Variants in PPTC7 observed in about 807,000 individuals in gnomAD.
PPTC7 encodes protein phosphatase PTC7 homolog.
In PPTC7, 6 loss-of-function variants were observed where a neutral mutation model predicts 30.8. That is an observed-to-expected ratio of 0.19 (90% CI 0.11 to 0.38). The LOEUF is 0.38. PPTC7 is among the 10% of genes least tolerant of loss of function. PPTC7 has a pLI of 1.00. For missense variants in PPTC7, 218 were observed against 404.8 expected, an observed-to-expected ratio of 0.54 and a Z score of 3.96; for synonymous variants, 163 against 168.1, an observed-to-expected ratio of 0.97 and a Z score of 0.23.
chr12:110,564,789 TTATA>T (rs762302882), intron 1 of PPTC7, among the ~76,000 whole-genome samples: 11 of 145,776 alleles, frequency 7.5e-5, no homozygotes, highest in African/African-American at 2.4e-4. Context: ...TACATACACG[TTATA>T]TATATATACA....
intron 3 of PPTC7, among the ~76,000 whole-genome samples, chr12:110,542,897 A>G (rs1194654194): frequency 6.6e-6 from 1 of 151,808 alleles, no homozygotes; most frequent in African/African-American, 2.4e-5. Context: ...CCGGGTGGGG[A>G]GAAAAGATCC....
chr12:110,565,379 C>T (rs1323128005), intron 1 of PPTC7, among the ~76,000 whole-genome samples: 1 of 152,058 alleles, frequency 6.6e-6, no homozygotes, highest in Non-Finnish European at 1.5e-5. Flanking sequence ...CCTCAGCCTC[C>T]TGAGTAGCTG....
intron 3 of PPTC7, among the ~76,000 whole-genome samples, chr12:110,544,046 A>C (rs969280596): frequency 6.6e-6 from 1 of 152,236 alleles, no homozygotes; most frequent in African/African-American, 2.4e-5. Context: ...TCCCCACTCC[A>C]GTGTGGCTAA....
chr12:110,563,319 T>G (rs1461332368), intron 1 of PPTC7, among the ~76,000 whole-genome samples: 4 of 151,758 alleles, frequency 2.6e-5, no homozygotes, highest in African/African-American at 9.7e-5. Context: ...AACCCTGTAA[T>G]AAAACATGTG....
intron 1 of PPTC7, among the ~76,000 whole-genome samples, chr12:110,554,555 T>C (rs1474570254): frequency 1.3e-5 from 2 of 152,208 alleles, no homozygotes; most frequent in Non-Finnish European, 2.9e-5. Flanking sequence ...TTCTACTGGA[T>C]AGTACTAGTA....
At chr12:110,575,532 GT>G (rs2064581363) in intron 1 of PPTC7, among the ~76,000 whole-genome samples, 1 of 132,766 alleles carries the variant, frequency 7.5e-6, no homozygotes, top group Admixed American at 9.3e-5. Context: ...AACAATTCAG[GT>G]TATGTATTGC....
At chr12:110,555,378 G>A (rs2064377727) in intron 1 of PPTC7, among the ~76,000 whole-genome samples, 3 of 152,178 alleles carry the variant, frequency 2.0e-5, no homozygotes, top group Admixed American at 6.5e-5. Flanking sequence ...GTTGAAGGGG[G>A]AGTGACAGAA....
intron 2 of PPTC7, among the ~76,000 whole-genome samples, chr12:110,548,984 T>C (rs2064332141): frequency 6.6e-6 from 1 of 152,106 alleles, no homozygotes; most frequent in Admixed American, 6.5e-5. Context: ...CAGGCAAAGA[T>C]GAGTAAGAAA....
intron 1 of PPTC7, among the ~76,000 whole-genome samples, chr12:110,581,902 T>C (rs182010772): frequency 7.2e-5 from 11 of 152,328 alleles, no homozygotes; most frequent in South Asian, 4.1e-4. Context: ...AGCGAGCGCA[T>C]TGCTTTATTC....
At chr12:110,542,354 T>C (rs1255308331) in intron 3 of PPTC7, among the ~76,000 whole-genome samples, 1 of 150,424 alleles carries the variant, frequency 6.6e-6, no homozygotes, top group Non-Finnish European at 1.5e-5. Flanking sequence ...ATGCAGGGAA[T>C]AGATCTGGAG....
At chr12:110,574,059 A>G (rs2064564473) in intron 1 of PPTC7, among the ~76,000 whole-genome samples, 1 of 144,000 alleles carries the variant, frequency 6.9e-6, no homozygotes. Context: ...GTACTCTGGG[A>G]AGCTGAGGTG....
At chr12:110,572,709 T>A (rs1279071282) in intron 1 of PPTC7, among the ~76,000 whole-genome samples, 1 of 152,066 alleles carries the variant, frequency 6.6e-6, no homozygotes, top group African/African-American at 2.4e-5. Flanking sequence ...TAGAACTTAT[T>A]CACCTCAAAA....
chr12:110,538,456 C>T (rs2064234528), intron 4 of PPTC7, among the ~76,000 whole-genome samples, 183 bp from the exon 5 acceptor site: 1 of 152,186 alleles, frequency 6.6e-6, no homozygotes, highest in Non-Finnish European at 1.5e-5. Flanking sequence ...AAGTCCTTTG[C>T]TTTGGTGGCC....
At chr12:110,572,096 T>C (rs1036871756) in intron 1 of PPTC7, among the ~76,000 whole-genome samples, 4 of 152,202 alleles carry the variant, frequency 2.6e-5, no homozygotes, top group Non-Finnish European at 5.9e-5. Flanking sequence ...AATGACAGCA[T>C]AGACTAATTT....
chr12:110,554,680 C>A (rs1294839458), intron 1 of PPTC7, among the ~76,000 whole-genome samples: 2 of 152,082 alleles, frequency 1.3e-5, no homozygotes, highest in East Asian at 3.8e-4. Context: ...AGCCATCATA[C>A]AATCTTCTAC....
intron 3 of PPTC7, among the ~76,000 whole-genome samples, chr12:110,543,777 C>T (rs114704694): frequency 0.015 from 2,327 of 152,232 alleles, 65 homozygotes; most frequent in African/African-American, 0.053. Context: ...AACTTTTGAC[C>T]GCACTGAAAC....
At chr12:110,559,774 C>T (rs898180530) in intron 1 of PPTC7, among the ~76,000 whole-genome samples, 3 of 151,840 alleles carry the variant, frequency 2.0e-5, no homozygotes, top group African/African-American at 7.3e-5. Flanking sequence ...ACTCTGTCAC[C>T]CAGACTGGAA....
At chr12:110,582,308 G>A (rs1227541705) in intron 1 of PPTC7, among the ~76,000 whole-genome samples, 1 of 152,208 alleles carries the variant, frequency 6.6e-6, no homozygotes, top group Non-Finnish European at 1.5e-5. Context: ...CCATCCAGGC[G>A]GCGAAAGAAT....
At chr12:110,557,441 CT>C (rs558549027) in intron 1 of PPTC7, among the ~76,000 whole-genome samples, 10 of 148,904 alleles carry the variant, frequency 6.7e-5, no homozygotes, top group South Asian at 4.3e-4. Context: ...CACCCCGCTA[CT>C]TTTTTTTTTA....
Sources: allele counts gnomAD v4.1 joint callset (sites outside exome capture counted in the v4.1 genomes callset), GRCh38; gene constraint gnomAD v4.1.1; transcripts MANE v1.5; gene names NCBI Gene and HGNC (gene_info 2026-07-23, HGNC 2026-07-21).